Variants in TRAPPC9 observed in about 807,000 individuals in gnomAD.
The protein encoded by TRAPPC9 is trafficking protein particle complex subunit 9, also known as IKK2 binding protein.
In TRAPPC9, 83 loss-of-function variants were observed where a neutral mutation model predicts 124.0. That is an observed-to-expected ratio of 0.67 (90% confidence interval 0.56 to 0.80). The LOEUF (loss-of-function observed/expected upper bound fraction) is 0.80, where lower values mean the gene tolerates loss of function less well. Ranked by LOEUF, TRAPPC9 falls within the 30% of genes least tolerant of loss-of-function variation. The probability of loss-of-function intolerance (pLI) is 0.00; values close to 1 mark genes in which losing one functional copy is unlikely to be tolerated. For synonymous variants in TRAPPC9, 638 were observed against 617.5 expected (o/e 1.03, Z -0.49); for missense variants, 1,302 against 1,508.3 (o/e 0.86, Z 2.27).
rs373284152 is a variant in TRAPPC9 at position 139,730,996 on chromosome 8, G to A, written c.*65C>T. The A allele has an allele frequency of 6.3e-7, 1 of 1,576,642 alleles. No individual in the cohort carries two copies. On this transcript the variant is annotated 3_prime_UTR_variant, in exon 23 of 23. Coordinates refer to ENST00000438773, the MANE Select transcript of TRAPPC9 (RefSeq NM_001160372.4). ...GCAGTGAAGGCCTTGCTCATTGCAGGGGGTGTGGGAGGCCAGGCAGGGTCA... is the reference window on the plus strand; with the variant it reads ...GCAGTGAAGGCCTTGCTCATTGCAGAGGGTGTGGGAGGCCAGGCAGGGTCA...
At chr8:140,448,887 T>C (rs1003696590) in intron 2 of TRAPPC9, among the ~76,000 whole-genome samples, 3 of 152,150 alleles carry the variant, frequency 2.0e-5, no homozygotes, top group Admixed American at 6.5e-5. Flanking sequence ...TGCCCGGGTC[T>C]CTAAACCTTG....
chr8:139,808,901 G>A (rs569392791), intron 21 of TRAPPC9, among the ~76,000 whole-genome samples: 33 of 152,206 alleles, frequency 2.2e-4, no homozygotes, highest in Admixed American at 6.5e-4. Flanking sequence ...CTATTTTCAC[G>A]TTTTGCTTTT....
intron 18 of TRAPPC9, among the ~76,000 whole-genome samples, chr8:140,007,011 G>C (rs1838802974): frequency 6.6e-6 from 1 of 152,184 alleles, no homozygotes; most frequent in Admixed American, 6.5e-5. Flanking sequence ...TGTTTAAAAA[G>C]AAGAAGGCCA....
At chr8:139,809,662 C>T (rs1242439245) in intron 21 of TRAPPC9, among the ~76,000 whole-genome samples, 1 of 152,160 alleles carries the variant, frequency 6.6e-6, no homozygotes, top group Non-Finnish European at 1.5e-5. Context: ...CCTGCTCTCC[C>T]TGCAGAAGCC....
chr8:140,142,812 T>C (rs1414255465), intron 17 of TRAPPC9, among the ~76,000 whole-genome samples: 1 of 152,212 alleles, frequency 6.6e-6, no homozygotes, highest in Non-Finnish European at 1.5e-5. Flanking sequence ...CATTTCTTCA[T>C]TTGTAAAGAG....
rs79412313 is a variant in TRAPPC9, at chr8:140,395,087, G to A, written c.1134+2533C>T. ...TTCCACTTTGAAGTGTCAGGTTCCC[G>A]CTTCTGACCATCTTTACCAGAAACT... On this transcript the variant is annotated intron_variant, in intron 7 of 22. Coordinates refer to ENST00000438773, the MANE Select transcript of TRAPPC9 (RefSeq NM_001160372.4). Among the ~76,000 whole-genome samples, 5 of 152,296 alleles carry A rather than the reference G, an allele frequency of 3.3e-5. No homozygotes were observed. In the East Asian group the frequency reaches 9.6e-4, roughly 29 times the overall value.
chr8:139,820,943 T>C (rs980249308), intron 21 of TRAPPC9, among the ~76,000 whole-genome samples: 3 of 152,234 alleles, frequency 2.0e-5, no homozygotes, highest in African/African-American at 7.2e-5. Flanking sequence ...ATGTTTTATA[T>C]ATATAGACAT....
chr8:140,014,036 G>C (rs1443257350), intron 18 of TRAPPC9, among the ~76,000 whole-genome samples: 1 of 152,024 alleles, frequency 6.6e-6, no homozygotes, highest in Admixed American at 6.6e-5. Flanking sequence ...ATAGCAACTG[G>C]AAAAAGATCT....
At chr8:140,153,950 T>C (rs2130843849) in intron 17 of TRAPPC9, among the ~76,000 whole-genome samples, 1 of 152,238 alleles carries the variant, frequency 6.6e-6, no homozygotes, top group Non-Finnish European at 1.5e-5. Flanking sequence ...TGCCTCAGAG[T>C]GCCTTGAACA....
chr8:140,256,735 G>A (rs960785613), intron 15 of TRAPPC9, among the ~76,000 whole-genome samples: 4 of 152,064 alleles, frequency 2.6e-5, no homozygotes, highest in Admixed American at 6.5e-5. Flanking sequence ...TTCCTAGCTT[G>A]CCATTGGCTG....
At chr8:140,229,702 C>T (rs1012680494) in intron 16 of TRAPPC9, among the ~76,000 whole-genome samples, 5 of 151,908 alleles carry the variant, frequency 3.3e-5, no homozygotes, top group African/African-American at 7.3e-5. Context: ...CGATTACAGG[C>T]GCACGCCACC....
At chr8:139,852,984 G>A (rs1827582348) in intron 21 of TRAPPC9, among the ~76,000 whole-genome samples, 1 of 152,226 alleles carries the variant, frequency 6.6e-6, no homozygotes, top group African/African-American at 2.4e-5. Flanking sequence ...CGCTGACCAA[G>A]CCATACGCTG....
At chr8:140,289,570 T>G (rs1330863571) in intron 12 of TRAPPC9, among the ~76,000 whole-genome samples, 1 of 152,222 alleles carries the variant, frequency 6.6e-6, no homozygotes, top group African/African-American at 2.4e-5. Flanking sequence ...TGCCCATGAT[T>G]TGTGGGCTAT....
intron 6 of TRAPPC9, among the ~76,000 whole-genome samples, chr8:140,404,782 A>G (rs535553883): frequency 1.3e-5 from 2 of 149,892 alleles, no homozygotes; most frequent in South Asian, 2.1e-4. Context: ...GTGTGTGAGC[A>G]TGCTTGTATG....
intron 9 of TRAPPC9, among the ~76,000 whole-genome samples, chr8:140,352,432 C>T (rs984027574): frequency 1.3e-5 from 2 of 152,190 alleles, no homozygotes; most frequent in South Asian, 2.1e-4. Context: ...AAGTCAGATT[C>T]GTGTTGGATA....
At chr8:140,170,860 C>G (rs974384925) in intron 17 of TRAPPC9, among the ~76,000 whole-genome samples, 3 of 152,158 alleles carry the variant, frequency 2.0e-5, no homozygotes, top group Non-Finnish European at 4.4e-5. Flanking sequence ...ATCTCAGACT[C>G]AGGCCTAGCC....
At chr8:140,231,016 T>C (rs1441347980) in intron 16 of TRAPPC9, among the ~76,000 whole-genome samples, 2 of 152,212 alleles carry the variant, frequency 1.3e-5, no homozygotes, top group Admixed American at 6.5e-5. Context: ...TGCACTGACA[T>C]CTTTACTAGA....
chr8:140,115,979 G>A (rs1309799403), intron 17 of TRAPPC9, among the ~76,000 whole-genome samples: 1 of 152,224 alleles, frequency 6.6e-6, no homozygotes, highest in Non-Finnish European at 1.5e-5. Context: ...AGACTGCATA[G>A]AAGGCAGTGC....
intron 19 of TRAPPC9, among the ~76,000 whole-genome samples, chr8:139,940,999 T>A (rs1833880021): frequency 6.6e-6 from 1 of 152,162 alleles, no homozygotes; most frequent in Non-Finnish European, 1.5e-5. Context: ...TGGGGTAGCA[T>A]CTCCCATCAC....
Sources: allele counts gnomAD v4.1 joint callset (sites outside exome capture counted in the v4.1 genomes callset), GRCh38; gene constraint gnomAD v4.1.1; transcripts MANE v1.5; gene names NCBI Gene and HGNC (gene_info 2026-07-23, HGNC 2026-07-21).